Variants in ATXN1 observed in about 807,000 individuals in gnomAD.
ATXN1 encodes ataxin 1.
ATXN1 carries 8 observed loss-of-function variants against 56.4 expected under a neutral mutation model. The observed-to-expected ratio is 0.14, with a 90% confidence interval of 0.08 to 0.26. ATXN1 has a LOEUF of 0.26. Ranked by LOEUF, ATXN1 falls within the 10% of genes least tolerant of loss-of-function variation. The pLI is 1.00. For missense variants in ATXN1, 987 were observed against 1,106.5 expected, an observed-to-expected ratio of 0.89 and a Z score of 1.53; for synonymous variants, 514 against 494.6, an observed-to-expected ratio of 1.04 and a Z score of -0.52.
intron 4 of ATXN1, among the ~76,000 whole-genome samples, chr6:16,574,019 C>T (rs1762377582): frequency 6.6e-6 from 1 of 152,146 alleles, no homozygotes; most frequent in African/African-American, 2.4e-5. Context: ...GTGCCCTGAA[C>T]TAGATTTTTT....
chr6:16,383,813 C>A (rs1758183943), intron 6 of ATXN1, among the ~76,000 whole-genome samples: 1 of 152,184 alleles, frequency 6.6e-6, no homozygotes, highest in South Asian at 2.1e-4. Context: ...AAATGATTAA[C>A]CTGTCATAGA....
intron 3 of ATXN1, among the ~76,000 whole-genome samples, chr6:16,587,703 C>T (rs554463011): frequency 4.0e-5 from 6 of 151,790 alleles, no homozygotes; most frequent in Non-Finnish European, 5.9e-5. Context: ...GGGGCCAAGG[C>T]GGGAGGATCA....
At chr6:16,375,524 C>T (rs140736454) in intron 6 of ATXN1, among the ~76,000 whole-genome samples, 1 of 152,336 alleles carries the variant, frequency 6.6e-6, no homozygotes, top group East Asian at 1.9e-4. Flanking sequence ...CCTTCTCTCA[C>T]CCTGATAATC....
chr6:16,384,304 TAA>T (rs1758194396), intron 6 of ATXN1, among the ~76,000 whole-genome samples: 1 of 152,198 alleles, frequency 6.6e-6, no homozygotes, highest in African/African-American at 2.4e-5. Context: ...GAAGGTTCTC[TAA>T]AAAGAGTATC....
At chr6:16,365,319 G>A (rs1040335118) in intron 6 of ATXN1, among the ~76,000 whole-genome samples, 5 of 152,162 alleles carry the variant, frequency 3.3e-5, no homozygotes, top group African/African-American at 1.2e-4. Context: ...TGGGACTGCA[G>A]GCACGCATCA....
Position 16,563,651 on chromosome 6 carries a change from G to A in ATXN1, c.-361+22129C>T, listed in dbSNP as rs143399384. On this transcript the variant is annotated intron_variant, in intron 4 of 7. Coordinates refer to ENST00000436367, the MANE Select transcript of ATXN1 (RefSeq NM_001128164.2). ...TTTAGAAAGGTCCAAGTTGGGGGGTGTGAGGGTTCAAGTTGATACACAGGT... is the reference window on the plus strand; with the variant it reads ...TTTAGAAAGGTCCAAGTTGGGGGGTATGAGGGTTCAAGTTGATACACAGGT... Among the ~76,000 whole-genome samples, 787 of 152,222 alleles carry A rather than the reference G, an allele frequency of 5.2e-3. 7 individuals carry two copies. Among genetic ancestry groups the A allele is most frequent in the Middle Eastern group, 0.027 (8 of 294 alleles).
intron 2 of ATXN1, among the ~76,000 whole-genome samples, chr6:16,701,051 G>A (rs1439721123): frequency 6.6e-6 from 1 of 151,970 alleles, no homozygotes; most frequent in Non-Finnish European, 1.5e-5. Context: ...GGTTTGGGAG[G>A]GGATGTTGGC....
At chr6:16,529,066 C>T (rs541469509) in intron 4 of ATXN1, among the ~76,000 whole-genome samples, 1 of 151,930 alleles carries the variant, frequency 6.6e-6, no homozygotes, top group East Asian at 1.9e-4. Context: ...GTAATCCCAG[C>T]TACTTGGGAG....
chr6:16,500,738 TAAAAAAAA>T (rs1167731131), intron 5 of ATXN1, among the ~76,000 whole-genome samples: 2 of 84,616 alleles, frequency 2.4e-5, no homozygotes, highest in Admixed American at 2.5e-4. Flanking sequence ...TTCATTATGA[TAAAAAAAA>T]AAAAAAAAAA....
chr6:16,502,624 A>G (rs1166006085), intron 5 of ATXN1, among the ~76,000 whole-genome samples: 5 of 152,226 alleles, frequency 3.3e-5, no homozygotes, highest in Non-Finnish European at 7.3e-5. Context: ...ACAAAGTTCA[A>G]TCCTACATAC....
intron 3 of ATXN1, among the ~76,000 whole-genome samples, chr6:16,633,755 T>C (rs954920107): frequency 7.9e-5 from 12 of 152,168 alleles, no homozygotes; most frequent in African/African-American, 2.9e-4. Context: ...TCCGAGCTAA[T>C]TAATAGAAAG....
chr6:16,306,339 A>G lies in ATXN1; in HGVS notation c.2438T>C (p.Val813Ala). The G allele has an allele frequency of 6.2e-7, 1 of 1,607,268 alleles. No individual in the cohort carries two copies. Among genetic ancestry groups the G allele is most frequent in the Non-Finnish European group, 8.5e-7 (1 of 1,177,094 alleles). The change falls in exon 8 of 8, where the codon GTA becomes GCA. Residue 813 changes from valine (V) to alanine (A), a missense_variant. Physicochemically the swap from Val to Ala is moderately conservative, Grantham distance 64 (BLOSUM62 0). Around this residue, in one of 3 missense-constraint regions of ATXN1, gnomAD observed 196 missense variants for 196.7 expected, o/e 1.00. Transcript: ENST00000436367. This position sits in a 1 kb window ranked among gnomAD's most constrained non-coding sequence, Gnocchi z 5.2. ...VKICIEGRSN[V>A]GK ...TCCCCCACGCTGCCTCTACTTGCCT[A>G]CATTAGACCGGCCTTCAATGCAAAT...
intron 4 of ATXN1, among the ~76,000 whole-genome samples, chr6:16,549,655 T>C (rs562253530): frequency 5.8e-4 from 88 of 152,170 alleles, no homozygotes; most frequent in Non-Finnish European, 8.4e-4. Flanking sequence ...CCCAGCACTT[T>C]GGGAGGCAGA....
intron 6 of ATXN1, among the ~76,000 whole-genome samples, chr6:16,457,955 G>A (rs1237256015): frequency 6.6e-6 from 1 of 152,170 alleles, no homozygotes; most frequent in Non-Finnish European, 1.5e-5. Flanking sequence ...GCAGATCAAG[G>A]TAGACCTGGG....
At position 16,717,937 on chromosome 6, in the gene ATXN1, G is replaced by C. The variant is rs114799032; in HGVS notation, c.-615+35296C>G. Among the ~76,000 whole-genome samples the C allele has an allele frequency of 9.5e-3, 1,442 of 152,360 alleles. 11 individuals carry two copies. The highest frequency in any genetic ancestry group is 0.015 in the Non-Finnish European group (1,053 of 68,034). ...GGATGATGAAGCCAAAGAACCTGGT[G>C]CTTCAGGACAAAGTTTCTGTTTGCT... On this transcript the variant is annotated intron_variant, in intron 2 of 7. Transcript: ENST00000436367.
chr6:16,670,897 T>A (rs889422870), intron 2 of ATXN1, among the ~76,000 whole-genome samples: 1 of 152,224 alleles, frequency 6.6e-6, no homozygotes, highest in Non-Finnish European at 1.5e-5. Flanking sequence ...CACAACCACA[T>A]GCCAACAACT....
At chr6:16,425,079 T>C (rs746208375) in intron 6 of ATXN1, among the ~76,000 whole-genome samples, 16 of 152,220 alleles carry the variant, frequency 1.1e-4, no homozygotes, top group Non-Finnish European at 1.8e-4. Context: ...GCTATGGCCT[T>C]TTTTCCCTCT....
chr6:16,641,587 T>C (rs1268029772), intron 3 of ATXN1, among the ~76,000 whole-genome samples: 1 of 152,268 alleles, frequency 6.6e-6, no homozygotes, highest in Non-Finnish European at 1.5e-5. Context: ...ATATTACTGC[T>C]TATTGACAAT....
At chr6:16,712,990 T>C (rs1759559195) in intron 2 of ATXN1, among the ~76,000 whole-genome samples, 1 of 152,242 alleles carries the variant, frequency 6.6e-6, no homozygotes, top group Admixed American at 6.5e-5. Flanking sequence ...ATTTCTCCTT[T>C]TTCCAGCTGA....
Sources: gnomAD v4.1 joint callset for allele counts (sites outside exome capture counted in the v4.1 genomes callset) on GRCh38, gnomAD v4.1.1 for gene constraint, gnomAD v4.1.1 regional missense constraint, Gnocchi (gnomAD v3.1) non-coding constraint, MANE v1.5 for transcripts, NCBI Gene and HGNC (gene_info 2026-07-23, HGNC 2026-07-21) for gene names.